Variants in MBNL2 observed in about 807,000 individuals in gnomAD.
MBNL2 encodes muscleblind like splicing regulator 2.
A neutral mutation model predicts 41.9 loss-of-function variants in MBNL2; 17 were observed. That is an observed-to-expected ratio of 0.41 (90% CI 0.28 to 0.61). The LOEUF (loss-of-function observed/expected upper bound fraction) is 0.61, where lower values mean the gene tolerates loss of function less well. MBNL2 is among the 20% of genes least tolerant of loss of function. The pLI is 0.35. For missense variants in MBNL2, 336 were observed against 505.6 expected, an observed-to-expected ratio of 0.66 and a Z score of 3.22; for synonymous variants, 195 against 182.9, an observed-to-expected ratio of 1.07 and a Z score of -0.53.
At chr13:97,327,560 TAAAAAA>T (rs71922683) in intron 2 of MBNL2, among the ~76,000 whole-genome samples, 9 of 90,774 alleles carry the variant, frequency 9.9e-5, no homozygotes, top group South Asian at 4.1e-4. Context: ...ACGTTATTTG[TAAAAAA>T]AAAAAAAAAA....
chr13:97,200,310 A>T, the MBNL2 span, among the ~76,000 whole-genome samples: 1 of 152,328 alleles, frequency 6.6e-6, no homozygotes, highest in African/African-American at 2.4e-5. Flanking sequence ...CTCATCATGC[A>T]CAATCCACCA....
At chr13:97,230,994 C>G (rs1238258268) in intron 1 of MBNL2, among the ~76,000 whole-genome samples, 1 of 152,244 alleles carries the variant, frequency 6.6e-6, no homozygotes, top group Admixed American at 6.5e-5. Flanking sequence ...CTGCATCCAT[C>G]TCTCAAAATG....
chr13:97,307,957 A>T (rs2058272380), intron 2 of MBNL2, among the ~76,000 whole-genome samples: 1 of 152,250 alleles, frequency 6.6e-6, no homozygotes, highest in Non-Finnish European at 1.5e-5. Context: ...TGCTGTTCAC[A>T]GATACAGGGG....
At chr13:97,349,403 T>TCTCATC (rs2062210360) in intron 5 of MBNL2, among the ~76,000 whole-genome samples, 1 of 152,220 alleles carries the variant, frequency 6.6e-6, no homozygotes, top group Admixed American at 6.5e-5. Context: ...CTGGTGAGGA[T>TCTCATC]CTCATCCCAT....
At chr13:97,196,669 C>T in the MBNL2 span, among the ~76,000 whole-genome samples, 15 of 152,284 alleles carry the variant, frequency 9.9e-5, no homozygotes, top group African/African-American at 3.6e-4. Context: ...ATGTCTTCCT[C>T]CTGAGTGTCC....
At chr13:97,344,574 GA>G (rs1286293711) in intron 4 of MBNL2, among the ~76,000 whole-genome samples, 1 of 152,194 alleles carries the variant, frequency 6.6e-6, no homozygotes, top group Non-Finnish European at 1.5e-5. Flanking sequence ...AAATATTTTA[GA>G]AGATATTTAT....
At chr13:97,354,481 G>A (rs186470682) in intron 5 of MBNL2, among the ~76,000 whole-genome samples, 172 of 152,200 alleles carry the variant, frequency 1.1e-3, no homozygotes, top group African/African-American at 3.8e-3. Flanking sequence ...TTTAAAAGGA[G>A]AGATCTGCCT....
chr13:97,314,832 C>G (rs2058898811), intron 2 of MBNL2, among the ~76,000 whole-genome samples: 2 of 152,156 alleles, frequency 1.3e-5, no homozygotes, highest in South Asian at 4.1e-4. Flanking sequence ...TCCTGGCTTT[C>G]CCACCTCCTA....
intron 1 of MBNL2, among the ~76,000 whole-genome samples, chr13:97,260,909 A>T (rs2048492874): frequency 6.6e-6 from 1 of 151,824 alleles, no homozygotes; most frequent in Admixed American, 6.6e-5. Flanking sequence ...GATCACTCTC[A>T]TCTTTATTTT....
chr13:97,187,682 C>T, the MBNL2 span, among the ~76,000 whole-genome samples: 1 of 147,800 alleles, frequency 6.8e-6, no homozygotes, highest in African/African-American at 2.5e-5. Context: ...CCAAGGCGGG[C>T]AGATCACCAG....
rs2050274129 is a variant in MBNL2 at position 97,268,420 on chromosome 13, A to G, written c.-604-7212A>G. Among the ~76,000 whole-genome samples, 1 of 152,040 alleles carries G rather than the reference A, an allele frequency of 6.6e-6. No homozygotes were observed. The highest frequency in any genetic ancestry group is 1.5e-5 in the Non-Finnish European group (1 of 67,998). On this transcript the variant is annotated intron_variant, in intron 1 of 8. Transcript: ENST00000679496. This position sits in a 1 kb window ranked among gnomAD's most constrained non-coding sequence, Gnocchi z 4.6. ...CGGGCCGAGAGTGTGCATTCCTAAC[A>G]AGATCCCAGCGGATGCTGCTGCTGC...
chr13:97,306,640 T>C (rs1349574637), intron 2 of MBNL2, among the ~76,000 whole-genome samples: 2 of 152,248 alleles, frequency 1.3e-5, no homozygotes, highest in Non-Finnish European at 2.9e-5. Flanking sequence ...TTGGTGGTCC[T>C]CATTTCACTT....
At chr13:97,283,376 T>C (rs2053807994) in intron 2 of MBNL2, among the ~76,000 whole-genome samples, 1 of 152,162 alleles carries the variant, frequency 6.6e-6, no homozygotes, top group Non-Finnish European at 1.5e-5. Context: ...AATGGCCCAT[T>C]GTCACCTCCA....
At chr13:97,317,688 C>T (rs555967122) in intron 2 of MBNL2, among the ~76,000 whole-genome samples, 10 of 152,114 alleles carry the variant, frequency 6.6e-5, no homozygotes, top group African/African-American at 1.9e-4. Context: ...CCCTAATAGA[C>T]GGAGATATGA....
chr13:97,251,317 C>T (rs956192087), intron 1 of MBNL2, among the ~76,000 whole-genome samples: 5 of 151,518 alleles, frequency 3.3e-5, no homozygotes, highest in Non-Finnish European at 7.4e-5. Context: ...CCCAATTTAC[C>T]CTGATGTGAT....
intron 4 of MBNL2, among the ~76,000 whole-genome samples, chr13:97,344,823 G>A (rs1320185320): frequency 6.6e-6 from 1 of 152,140 alleles, no homozygotes; most frequent in Non-Finnish European, 1.5e-5. Context: ...TTCTCAACAG[G>A]GCTGGTAGAC....
At chr13:97,295,679 C>T (rs1228078511) in intron 2 of MBNL2, among the ~76,000 whole-genome samples, 1 of 152,104 alleles carries the variant, frequency 6.6e-6, no homozygotes, top group African/African-American at 2.4e-5. Flanking sequence ...GATGTTTGAT[C>T]CATGCAGGAG....
At chr13:97,322,178 C>G (rs554682780) in intron 2 of MBNL2, among the ~76,000 whole-genome samples, 1 of 152,186 alleles carries the variant, frequency 6.6e-6, no homozygotes, top group South Asian at 2.1e-4. Context: ...AGGATAAAGC[C>G]CACACCTCTT....
In MBNL2 at chr13:97,346,243, A is replaced by G. The variant is rs1457809981; in HGVS notation, c.541-561A>G. On this transcript the variant is annotated intron_variant, in intron 4 of 8. Coordinates refer to ENST00000679496, the MANE Select transcript of MBNL2 (RefSeq NM_001382683.1). The surrounding 1 kb of genome is among the most constrained non-coding windows in gnomAD (Gnocchi z 4.2). The stretch of plus-strand genomic sequence containing the variant: ...AAATAATGATAGATTAACAGATAAT[A>G]GATGGATGGATGGATGGATGGATGG... 6.6e-6 allele frequency among the ~76,000 whole-genome samples: 1 copy of G among 150,906 alleles called. No individual in the cohort carries two copies. The highest frequency in any genetic ancestry group is 1.5e-5 in the Non-Finnish European group (1 of 67,732).
Sources: allele counts gnomAD v4.1 joint callset (sites outside exome capture counted in the v4.1 genomes callset), GRCh38; gene constraint gnomAD v4.1.1; non-coding constraint Gnocchi (gnomAD v3.1); transcripts MANE v1.5; gene names NCBI Gene and HGNC (gene_info 2026-07-23, HGNC 2026-07-21).